The following HEG1 variants were observed in gnomAD, a reference collection of about 807,000 sequenced individuals.
HEG1 encodes the protein heart development protein with EGF like domains 1, also known as protein HEG homolog 1.
A neutral mutation model predicts 125.6 loss-of-function variants in HEG1; 56 were observed. That is an observed-to-expected ratio of 0.45 (90% CI 0.36 to 0.56). HEG1 has a LOEUF of 0.56. Ranked by LOEUF, HEG1 falls within the 20% of genes least tolerant of loss-of-function variation. HEG1 has a pLI of 0.00. For missense variants in HEG1, 1,523 were observed against 1,670.0 expected (o/e 0.91, Z 1.53); for synonymous variants, 644 against 668.5 (o/e 0.96, Z 0.57).
chr3:124,995,620 C>G (rs1428824190), intron 12 of HEG1, among the ~76,000 whole-genome samples: 1 of 152,220 alleles, frequency 6.6e-6, no homozygotes, highest in Non-Finnish European at 1.5e-5. Context: ...TCACTGCTAA[C>G]CCATCAGAAC....
Position 124,970,645 on chromosome 3 carries a change from C to G in HEG1, c.*7G>C. 3 of 1,591,874 alleles carry G rather than the reference C, an allele frequency of 1.9e-6. No homozygotes were observed. The highest frequency in any genetic ancestry group is 2.6e-6 in the Non-Finnish European group (3 of 1,168,614). ...CTCAGAGCAATGAGTCCCTCTCTCT[C>G]CTGGACTTAAAAGTAGTCTCTTCTT... On this transcript the variant is annotated 3_prime_UTR_variant, in exon 17 of 17. Transcript: ENST00000311127.
At chr3:125,025,450 G>A (rs115493404) in intron 3 of HEG1, among the ~76,000 whole-genome samples, 1,960 of 152,202 alleles carry the variant, frequency 0.013, 50 homozygotes, top group African/African-American at 0.044. Context: ...AAAGACTCAA[G>A]AGATATGAAA....
At chr3:125,037,455 T>C (rs111789567) in intron 1 of HEG1, among the ~76,000 whole-genome samples, 1,956 of 152,318 alleles carry the variant, frequency 0.013, 39 homozygotes, top group African/African-American at 0.045. Context: ...TGAAACATAA[T>C]GTAAGCATGT....
At chr3:125,008,225 C>A (rs929635501) in intron 8 of HEG1, among the ~76,000 whole-genome samples, 1 of 152,162 alleles carries the variant, frequency 6.6e-6, no homozygotes, top group African/African-American at 2.4e-5. Context: ...GAGAGAAATT[C>A]TTGATTTTGA....
Position 125,013,389 on chromosome 3 carries a change from T to C in HEG1, c.2190A>G (p.Pro730=), listed in dbSNP as rs1202844115. Residue 730 remains proline (P), a synonymous_variant, in exon 6 of 17, where the codon CCA becomes CCG. Transcript: ENST00000311127. ...GCAAGGTTGTTTGTGAGACAGAAAG[T>C]GGGGCAGATGTAGATGTCGTTAAGG... ...PVSLTTSTSA[P]LSVSQTTLPQ... 6.2e-7 allele frequency: 1 copy of C among 1,613,798 alleles called. No homozygotes were observed. The highest frequency in any genetic ancestry group is 8.5e-7 in the Non-Finnish European group (1 of 1,179,838).
At chr3:125,042,838 G>A (rs1190115367) in intron 1 of HEG1, among the ~76,000 whole-genome samples, 2 of 152,224 alleles carry the variant, frequency 1.3e-5, no homozygotes, top group Non-Finnish European at 2.9e-5. Context: ...GGGGCCTGTG[G>A]GAAGGTGGCT....
chr3:124,976,114 C>T (rs1431638779), intron 15 of HEG1, among the ~76,000 whole-genome samples: 5 of 152,194 alleles, frequency 3.3e-5, no homozygotes, highest in Non-Finnish European at 7.3e-5. Flanking sequence ...TTTACATTCC[C>T]ACTAGCAGTG....
chr3:125,047,344 G>A (rs149332195), intron 1 of HEG1, among the ~76,000 whole-genome samples: 3 of 152,344 alleles, frequency 2.0e-5, no homozygotes, highest in Non-Finnish European at 4.4e-5. Context: ...GCATCAAGCC[G>A]TCTACTTTAC....
At chr3:124,990,070 C>T (rs1300942858) in intron 14 of HEG1, among the ~76,000 whole-genome samples, 1 of 152,086 alleles carries the variant, frequency 6.6e-6, no homozygotes, top group Non-Finnish European at 1.5e-5. Context: ...CCTGGGATGT[C>T]CTCCCCCCAT....
intron 12 of HEG1, among the ~76,000 whole-genome samples, chr3:124,993,643 G>A (rs142073180): frequency 1.4e-3 from 216 of 152,294 alleles, no homozygotes; most frequent in Middle Eastern, 3.4e-3. Flanking sequence ...CACCCATCTC[G>A]GCACTGAGGC....
intron 11 of HEG1, among the ~76,000 whole-genome samples, chr3:124,998,672 A>T (rs1004402569): frequency 2.6e-5 from 4 of 152,246 alleles, no homozygotes; most frequent in Admixed American, 6.5e-5. Flanking sequence ...TTTCATTATT[A>T]TCAGAAAGCA....
chr3:125,018,384 T>C (rs910239847), intron 5 of HEG1, among the ~76,000 whole-genome samples: 1 of 151,604 alleles, frequency 6.6e-6, no homozygotes, highest in African/African-American at 2.4e-5. Flanking sequence ...AGAATGGGAG[T>C]TGACTGCTGA....
intron 3 of HEG1, among the ~76,000 whole-genome samples, chr3:125,026,082 C>T (rs1937409897): frequency 6.6e-6 from 1 of 152,190 alleles, no homozygotes; most frequent in Admixed American, 6.5e-5. Flanking sequence ...TTTCCAAGAA[C>T]ATTTCCAACC....
At chr3:125,010,354 C>A in intron 7 of HEG1, 85 bp downstream of exon 7, 1 of 765,960 alleles carries the variant, frequency 1.3e-6, no homozygotes, top group South Asian at 1.8e-5. Flanking sequence ...GTGTATTTGT[C>A]CACATTTTGG....
chr3:125,047,683 T>G (rs1363189168), intron 1 of HEG1, among the ~76,000 whole-genome samples: 1 of 152,188 alleles, frequency 6.6e-6, no homozygotes, highest in Non-Finnish European at 1.5e-5. Context: ...GCTGTTTCCA[T>G]CTCCTATCAC....
rs1268105971 is a variant in HEG1, at chr3:125,020,867, C to G, written c.1177G>C (p.Asp393His). The change falls in exon 4 of 17, where the codon GAT becomes CAT. Residue 393 changes from aspartate to histidine, a missense_variant. By Grantham distance (81) the Asp-to-His change is moderately conservative. Coordinates refer to ENST00000311127, the MANE Select transcript of HEG1 (RefSeq NM_020733.2). ...GTGGATGGTTCAATGAATTCCTCAT[C>G]CCCTGGATTCCCAGTTACTCTACTG... ...RNSRVTGNPG[D>H]EEFIEPSTEN... 3 of 1,614,006 alleles carry G rather than the reference C, an allele frequency of 1.9e-6. No homozygotes were observed. The highest frequency in any genetic ancestry group is 4.5e-5 in the East Asian group (2 of 44,880).
In HEG1 at chr3:125,012,930, C is replaced by T. The variant is rs1937178060; in HGVS notation, c.2649G>A (p.Leu883=). 1 of 1,613,916 alleles carries T rather than the reference C, an allele frequency of 6.2e-7. No homozygotes were observed. Among genetic ancestry groups the T allele is most frequent in the African/African-American group, 1.3e-5 (1 of 74,940 alleles). Residue 883 remains leucine (L), a synonymous_variant, in exon 6 of 17, where the codon CTG becomes CTA. Coordinates refer to ENST00000311127, the MANE Select transcript of HEG1 (RefSeq NM_020733.2). ...VQTTAGKQLS[L]THPEILVPQI... ...GAGGAACTAGTATTTCAGGATGGGTCAGCGAGAGCTGTTTTCCAGCTGTAG... is the reference window on the plus strand; with the variant it reads ...GAGGAACTAGTATTTCAGGATGGGTTAGCGAGAGCTGTTTTCCAGCTGTAG...
At chr3:125,000,915 G>C (rs2107695745) in intron 11 of HEG1, among the ~76,000 whole-genome samples, 1 of 152,314 alleles carries the variant, frequency 6.6e-6, no homozygotes, top group South Asian at 2.1e-4. Context: ...TGATCATGTA[G>C]CACGTGGCAA....
intron 1 of HEG1, among the ~76,000 whole-genome samples, chr3:125,048,949 T>C (rs1190886333): frequency 6.6e-6 from 1 of 152,218 alleles, no homozygotes; most frequent in African/African-American, 2.4e-5. Context: ...AGGTGCATGT[T>C]GTTGCTAACT....
Sources: allele counts gnomAD v4.1 joint callset (sites outside exome capture counted in the v4.1 genomes callset), GRCh38; gene constraint gnomAD v4.1.1; transcripts MANE v1.5; gene names NCBI Gene and HGNC (gene_info 2026-07-23, HGNC 2026-07-21).